ANO10: variants seen among roughly 807,000 people sequenced by gnomAD.
ANO10 encodes anoctamin 10.
In ANO10, 77 loss-of-function variants were observed where a neutral mutation model predicts 74.7. The observed-to-expected ratio is 1.03, with a 90% CI of 0.86 to 1.25. The LOEUF (loss-of-function observed/expected upper bound fraction) is 1.25, where lower values mean the gene tolerates loss of function less well. ANO10 is among the 50% of genes most tolerant of loss of function. The pLI, the probability that ANO10 is intolerant of heterozygous loss-of-function variation, is 0.00. For missense variants in ANO10, 721 were observed against 778.1 expected, an observed-to-expected ratio of 0.93 and a Z score of 0.87; for synonymous variants, 279 against 284.9, an observed-to-expected ratio of 0.98 and a Z score of 0.21.
chr3:43,488,065 G>C (rs1223274128), intron 11 of ANO10, among the ~76,000 whole-genome samples: 1 of 151,954 alleles, frequency 6.6e-6, no homozygotes, highest in Admixed American at 6.6e-5. Flanking sequence ...ACAAGCAATG[G>C]GGAAAGGATT....
At chr3:43,513,568 G>A (rs1048980069) in intron 11 of ANO10, among the ~76,000 whole-genome samples, 1 of 151,988 alleles carries the variant, frequency 6.6e-6, no homozygotes, top group Non-Finnish European at 1.5e-5. Context: ...GGAGTGCAGT[G>A]GCATGATCTC....
intron 11 of ANO10, among the ~76,000 whole-genome samples, chr3:43,532,639 A>T (rs914165167): frequency 6.6e-6 from 1 of 152,192 alleles, no homozygotes; most frequent in Admixed American, 6.5e-5. Flanking sequence ...GTTTCATATA[A>T]CCACCACCAC....
intron 11 of ANO10, among the ~76,000 whole-genome samples, chr3:43,441,214 C>A (rs1371696189): frequency 8.4e-5 from 3 of 35,570 alleles, no homozygotes; most frequent in Non-Finnish European, 2.1e-4. Flanking sequence ...ACTAGAAAAA[C>A]AACAGCAAAA....
intron 1 of ANO10, among the ~76,000 whole-genome samples, chr3:43,669,373 A>G (rs2084030381): frequency 6.6e-6 from 1 of 152,164 alleles, no homozygotes; most frequent in Non-Finnish European, 1.5e-5. Flanking sequence ...AAAACTCATG[A>G]AAATGTGAGG....
intron 11 of ANO10, among the ~76,000 whole-genome samples, chr3:43,478,099 T>A (rs1301177129): frequency 6.6e-6 from 1 of 152,182 alleles, no homozygotes; most frequent in Non-Finnish European, 1.5e-5. Context: ...CTACATTTAT[T>A]CCCATTTGAC....
intron 1 of ANO10, chr3:43,691,071 C>T: frequency 6.6e-7 from 1 of 1,522,696 alleles, no homozygotes. Context: ...CTTCGTGTGT[C>T]TCCGGCGCGC....
chr3:43,488,514 T>G (rs1192035507), intron 11 of ANO10, among the ~76,000 whole-genome samples: 2 of 152,226 alleles, frequency 1.3e-5, no homozygotes, highest in African/African-American at 4.8e-5. Flanking sequence ...GCGAAGGACA[T>G]GAACAGATAC....
At chr3:43,367,068 AC>A in intron 12 of ANO10, 94 bp from the exon 13 acceptor site, 1 of 1,250,774 alleles carries the variant, frequency 8.0e-7, no homozygotes, top group Non-Finnish European at 1.1e-6. Flanking sequence ...AGCGGCTTTG[AC>A]CCCAGGGAAG....
At chr3:43,484,123 G>A (rs1470991608) in intron 11 of ANO10, among the ~76,000 whole-genome samples, 3 of 152,040 alleles carry the variant, frequency 2.0e-5, no homozygotes, top group Non-Finnish European at 2.9e-5. Context: ...TGTAGAGATG[G>A]GGTTTCACCA....
At chr3:43,380,143 A>G (rs1056797925) in intron 12 of ANO10, among the ~76,000 whole-genome samples, 1 of 152,324 alleles carries the variant, frequency 6.6e-6, no homozygotes, top group African/African-American at 2.4e-5. Flanking sequence ...AAAGAAAAAG[A>G]ATTTAAAAAA....
At chr3:43,608,374 C>T (rs2082657288) in intron 1 of ANO10, among the ~76,000 whole-genome samples, 1 of 152,142 alleles carries the variant, frequency 6.6e-6, no homozygotes, top group Non-Finnish European at 1.5e-5. Flanking sequence ...GAGACAGGGT[C>T]TCACTCTTTT....
rs560740896 is a variant in ANO10, at chr3:43,642,844, CA to C, written c.-11-36982del. On this transcript the variant is annotated intron_variant, in intron 1 of 3. Transcript: ENST00000413397. ...TCTGGAGATTGTTTCAATTCACAGACATTTTTTTTTTTCTGTGTTTTATGAT... is the reference window on the plus strand; with the variant it reads ...TCTGGAGATTGTTTCAATTCACAGACTTTTTTTTTTTCTGTGTTTTATGAT... Among the ~76,000 whole-genome samples, 961 of 142,362 alleles carry C rather than the reference CA, an allele frequency of 6.8e-3. 13 individuals are homozygous for C. Among genetic ancestry groups the C allele is most frequent in the Non-Finnish European group, 0.011 (764 of 67,120 alleles). 93.4% of individuals were successfully genotyped at this position (142,362 alleles called of 152,430 possible).
At chr3:43,372,760 A>T in intron 12 of ANO10, 2 of 1,288,400 alleles carry the variant, frequency 1.6e-6, no homozygotes, top group Non-Finnish European at 2.2e-6. Flanking sequence ...CAGGGCCATG[A>T]CTAGACCCCA....
At chr3:43,513,573 G>C (rs1034348604) in intron 11 of ANO10, among the ~76,000 whole-genome samples, 6 of 152,128 alleles carry the variant, frequency 3.9e-5, no homozygotes, top group African/African-American at 1.4e-4. Context: ...GCAGTGGCAT[G>C]ATCTCCACTC....
At chr3:43,417,843 T>C (rs964239953) in intron 12 of ANO10, among the ~76,000 whole-genome samples, 1 of 152,208 alleles carries the variant, frequency 6.6e-6, no homozygotes, top group African/African-American at 2.4e-5. Context: ...ATTCCATACA[T>C]GTCTCACCAA....
chr3:43,576,272 C>T (rs17474972), intron 6 of ANO10, among the ~76,000 whole-genome samples: 6,940 of 152,178 alleles, frequency 0.046, 206 homozygotes, highest in Non-Finnish European at 0.065. Context: ...ATTTTACCCT[C>T]GGCATGAAAC....
chr3:43,462,291 A>G (rs1488874252), intron 11 of ANO10, among the ~76,000 whole-genome samples: 4 of 152,112 alleles, frequency 2.6e-5, no homozygotes, highest in Admixed American at 6.5e-5. Context: ...GTGCAACGGT[A>G]CGATCTTGGC....
upstream of ANO10, among the ~76,000 whole-genome samples, chr3:43,623,489 T>G (rs1377430939): frequency 6.6e-6 from 1 of 152,212 alleles, no homozygotes; most frequent in African/African-American, 2.4e-5. Flanking sequence ...CCAGCCCCAA[T>G]GTTTAGAACA....
intron 12 of ANO10, among the ~76,000 whole-genome samples, chr3:43,409,319 G>A (rs181264998): frequency 2.0e-5 from 3 of 152,204 alleles, no homozygotes; most frequent in Admixed American, 6.5e-5. Context: ...AGGCCGAGGC[G>A]GGTGGATCAC....
Sources: allele counts gnomAD v4.1 joint callset (sites outside exome capture counted in the v4.1 genomes callset), GRCh38; gene constraint gnomAD v4.1.1; transcripts MANE v1.5; gene names NCBI Gene and HGNC (gene_info 2026-07-23, HGNC 2026-07-21).